Variants in PLAAT3 observed in about 807,000 individuals in gnomAD.
PLAAT3 encodes the protein phospholipase A and acyltransferase 3.
Under a neutral mutation model 16.7 loss-of-function variants are expected in PLAAT3, and 21 were observed. That is an observed-to-expected ratio of 1.26 (90% confidence interval 0.89 to 1.81). PLAAT3 has a LOEUF of 1.81. Ranked by LOEUF, PLAAT3 falls within the 40% of genes most tolerant of loss-of-function variation. PLAAT3 has a pLI of 0.00. For missense variants in PLAAT3, 219 were observed against 213.7 expected, an observed-to-expected ratio of 1.02 and a Z score of -0.16; for synonymous variants, 76 against 81.7, an observed-to-expected ratio of 0.93 and a Z score of 0.38.
intron 2 of PLAAT3, among the ~76,000 whole-genome samples, chr11:63,606,983 G>T (rs909082829): frequency 3.9e-5 from 6 of 152,202 alleles, no homozygotes; most frequent in Non-Finnish European, 8.8e-5. Context: ...GATGTAGGGT[G>T]CAAGGAGGAG....
chr11:63,586,300 A>G (rs1405283091), intron 4 of PLAAT3, among the ~76,000 whole-genome samples: 1 of 152,076 alleles, frequency 6.6e-6, no homozygotes, highest in African/African-American at 2.4e-5. Context: ...CACCCAGCTA[A>G]TTTTTGTATT....
At chr11:63,598,338 G>C (rs1026273915) in intron 2 of PLAAT3, among the ~76,000 whole-genome samples, 175 bp from the exon 3 acceptor site, 1 of 152,216 alleles carries the variant, frequency 6.6e-6, no homozygotes, top group African/African-American at 2.4e-5. Flanking sequence ...TTGTGACCCA[G>C]ACCTGCAGGC....
chr11:63,596,006 C>A (rs1938277660), intron 3 of PLAAT3, among the ~76,000 whole-genome samples: 1 of 151,852 alleles, frequency 6.6e-6, no homozygotes, highest in Non-Finnish European at 1.5e-5. Context: ...CTGTGGGAGG[C>A]CAAGGAAGGC....
chr11:63,594,376 G>A (rs1938229862), intron 3 of PLAAT3, among the ~76,000 whole-genome samples: 1 of 152,150 alleles, frequency 6.6e-6, no homozygotes, highest in Non-Finnish European at 1.5e-5. Flanking sequence ...GAGAGAGGAG[G>A]AGGAGCCCAC....
Position 63,604,084 on chromosome 11 carries a change from G to A in PLAAT3, c.16-5921C>T, listed in dbSNP as rs553816463. ...AGAGAATCACTTGAACCTGGGAGGT[G>A]GAGGTTGCAGTGAGCTGAGATCACG... On this transcript the variant is annotated intron_variant, in intron 2 of 4. Transcript: ENST00000415826. Among the ~76,000 whole-genome samples, 9 of 152,242 alleles carry A rather than the reference G, an allele frequency of 5.9e-5. No homozygotes were observed. In the South Asian group the frequency reaches 1.9e-3, roughly 32 times the overall value.
chr11:63,590,432 T>C, intron 3 of PLAAT3, 64 bp from the exon 4 acceptor site: 3 of 1,502,552 alleles, frequency 2.0e-6, no homozygotes, highest in Non-Finnish European at 2.7e-6. Context: ...GGCTCAGAGC[T>C]GGCCCCCAGC....
At chr11:63,595,290 CGGA>C (rs1590692364) in intron 3 of PLAAT3, among the ~76,000 whole-genome samples, 3 of 75,780 alleles carry the variant, frequency 4.0e-5, no homozygotes, top group Non-Finnish European at 7.9e-5. Context: ...GACTCCGTCT[CGGA>C]AAAAAAAAAA....
chr11:63,580,112 A>T (rs1358213514), intron 4 of PLAAT3, among the ~76,000 whole-genome samples: 1 of 152,192 alleles, frequency 6.6e-6, no homozygotes, highest in Non-Finnish European at 1.5e-5. Context: ...AGTAGAAGAC[A>T]TGAGATAGAG....
At chr11:63,583,796 C>T (rs1216773967) in intron 4 of PLAAT3, among the ~76,000 whole-genome samples, 1 of 151,516 alleles carries the variant, frequency 6.6e-6, no homozygotes, top group African/African-American at 2.4e-5. Context: ...ATTAAGAAGA[C>T]TGTTTTTTTT....
chr11:63,596,128 C>G (rs1284708070), intron 3 of PLAAT3, among the ~76,000 whole-genome samples: 2 of 150,420 alleles, frequency 1.3e-5, no homozygotes, highest in East Asian at 3.9e-4. Flanking sequence ...GTAGTCCCAG[C>G]TACTCAGGAG....
intron 4 of PLAAT3, among the ~76,000 whole-genome samples, chr11:63,577,232 C>T (rs145238844): frequency 1.6e-3 from 240 of 151,086 alleles, no homozygotes; most frequent in African/African-American, 5.6e-3. Context: ...AGTGCAATGG[C>T]GCAATCTTAG....
rs201116662 is a variant in PLAAT3 at position 63,590,126 on chromosome 11, G to T, written c.361C>A (p.Arg121Ser). ...ENCEHFVNEL[R>S]YGVARSDQVR... Reference sequence around the variant, plus strand: ...TGGTCACTGCGGGCGACTCCATAGCGCAGCTCATTCACAAAGTGCTCGCAG... The same window carrying T: ...TGGTCACTGCGGGCGACTCCATAGCTCAGCTCATTCACAAAGTGCTCGCAG... The change falls in exon 4 of 5, where the codon CGC becomes AGC. Residue 121 changes from arginine (R) to serine (S), a missense_variant. Transcript: ENST00000415826. The T allele has an allele frequency of 4.3e-6, 7 of 1,614,154 alleles. No homozygotes were observed. The South Asian group carries it at 7.7e-5, about 18-fold the overall frequency.
intron 3 of PLAAT3, among the ~76,000 whole-genome samples, chr11:63,594,887 GA>G (rs1183890410): frequency 1.3e-5 from 2 of 151,368 alleles, no homozygotes; most frequent in Admixed American, 6.6e-5. Context: ...AAAGGAAGAG[GA>G]GGGGGTGGGG....
chr11:63,595,773 A>G (rs1034878609), intron 3 of PLAAT3, among the ~76,000 whole-genome samples: 7 of 152,128 alleles, frequency 4.6e-5, no homozygotes, highest in Non-Finnish European at 1.0e-4. Context: ...ACCCCAGTTT[A>G]AGTTAAAGGC....
chr11:63,582,968 T>C (rs1158779763), intron 4 of PLAAT3, among the ~76,000 whole-genome samples: 2 of 151,986 alleles, frequency 1.3e-5, no homozygotes, highest in African/African-American at 4.8e-5. Context: ...TCATCTCTAC[T>C]AAACATACAA....
At chr11:63,606,433 C>CACACACAT (rs778684471) in intron 2 of PLAAT3, among the ~76,000 whole-genome samples, 377 of 151,258 alleles carry the variant, frequency 2.5e-3, no homozygotes, top group Non-Finnish European at 4.5e-3. Context: ...AAAACACACA[C>CACACACAT]ACACACACAC....
chr11:63,578,903 A>G (rs921190098), intron 4 of PLAAT3, among the ~76,000 whole-genome samples: 1 of 152,146 alleles, frequency 6.6e-6, no homozygotes, highest in Non-Finnish European at 1.5e-5. Flanking sequence ...GCTTCTGCAC[A>G]GCAAAAGAAA....
rs562814695 is a variant in PLAAT3 at position 63,603,194 on chromosome 11, A to G, written c.16-5031T>C. Reference sequence around the variant, plus strand: ...AACCTACATTGATTCCAGGAATGCTACTGCACTGCCTTGTCAGGTAGTTCT... The same window carrying G: ...AACCTACATTGATTCCAGGAATGCTGCTGCACTGCCTTGTCAGGTAGTTCT... On this transcript the variant is annotated intron_variant, in intron 2 of 4. Coordinates refer to ENST00000415826, the MANE Select transcript of PLAAT3 (RefSeq NM_001128203.2). Among the ~76,000 whole-genome samples, 11 of 152,306 alleles carry G rather than the reference A, an allele frequency of 7.2e-5. No individual in the cohort carries two copies. In the South Asian group the frequency reaches 1.7e-3, roughly 23 times the overall value.
intron 2 of PLAAT3, among the ~76,000 whole-genome samples, chr11:63,613,349 C>A (rs1300541660): frequency 6.6e-6 from 1 of 151,752 alleles, no homozygotes; most frequent in Non-Finnish European, 1.5e-5. Flanking sequence ...AGGCGGAGGT[C>A]GCAGTGAGCC....
Sources: allele counts gnomAD v4.1 joint callset (sites outside exome capture counted in the v4.1 genomes callset), GRCh38; gene constraint gnomAD v4.1.1; transcripts MANE v1.5; gene names NCBI Gene and HGNC (gene_info 2026-07-23, HGNC 2026-07-21).